PCDHGB6: variants seen among roughly 807,000 people sequenced by gnomAD.
PCDHGB6 encodes the protein protocadherin gamma-B6.
A neutral mutation model predicts 59.1 loss-of-function variants in PCDHGB6; 51 were observed. That is an observed-to-expected ratio of 0.86 (90% CI 0.69 to 1.09). PCDHGB6 has a LOEUF of 1.09. Among genes scored for constraint, PCDHGB6 ranks in the 50% least tolerant of loss-of-function variants. PCDHGB6 has a pLI of 0.00. For synonymous variants in PCDHGB6, 466 were observed against 495.1 expected (o/e 0.94, Z 0.78); for missense variants, 1,148 against 1,205.1 (o/e 0.95, Z 0.70).
chr5:141,504,130 C>T (rs1334901812), intron 2 of PCDHGB6, among the ~76,000 whole-genome samples: 1 of 152,154 alleles, frequency 6.6e-6, no homozygotes, highest in African/African-American at 2.4e-5. Flanking sequence ...TGTTTCCCGC[C>T]AACACTCCCC....
intron 1 of PCDHGB6, among the ~76,000 whole-genome samples, chr5:141,454,607 T>C (rs1207742002): frequency 6.6e-6 from 1 of 151,574 alleles, no homozygotes; most frequent in Non-Finnish European, 1.5e-5. Flanking sequence ...GGTTTCTCCA[T>C]GTTGGTCAGG....
At chr5:141,500,250 C>T (rs913074120) in intron 2 of PCDHGB6, among the ~76,000 whole-genome samples, 4 of 149,826 alleles carry the variant, frequency 2.7e-5, no homozygotes, top group African/African-American at 9.9e-5. Flanking sequence ...GCTCTGTCAC[C>T]CAGGCTGGAC....
intron 1 of PCDHGB6, chr5:141,441,529 A>C (rs1042479748): frequency 4.6e-5 from 8 of 172,366 alleles, no homozygotes; most frequent in African/African-American, 1.9e-4. Flanking sequence ...GGCCAAGAAC[A>C]ATCTTCCCAA....
At chr5:141,504,302 C>T (rs969760258) in intron 2 of PCDHGB6, among the ~76,000 whole-genome samples, 9 of 152,004 alleles carry the variant, frequency 5.9e-5, no homozygotes, top group African/African-American at 1.5e-4. Context: ...TTTCAACACT[C>T]GGAGTTTCTA....
chr5:141,419,549 T>C, intron 1 of PCDHGB6: 1 of 1,612,006 alleles, frequency 6.2e-7, no homozygotes, highest in Non-Finnish European at 8.5e-7. Context: ...GCGGGTGCTG[T>C]ACCCTGCGCT....
At chr5:141,436,752 A>G (rs2097844842) in intron 1 of PCDHGB6, among the ~76,000 whole-genome samples, 2 of 152,194 alleles carry the variant, frequency 1.3e-5, no homozygotes, top group South Asian at 4.1e-4. Context: ...GCTTCTCCAT[A>G]TGGTATAATG....
intron 2 of PCDHGB6, among the ~76,000 whole-genome samples, chr5:141,504,443 A>C (rs1043353401): frequency 2.0e-5 from 3 of 152,070 alleles, no homozygotes; most frequent in African/African-American, 4.8e-5. Context: ...CAGTGTGACT[A>C]GTGCCATGTG....
chr5:141,460,507 G>A (rs2098991001), intron 1 of PCDHGB6, among the ~76,000 whole-genome samples: 1 of 152,036 alleles, frequency 6.6e-6, no homozygotes. Context: ...ATGCTGAGAA[G>A]GCTATCTTTT....
At chr5:141,420,458 CAA>C (rs1269245240) in intron 1 of PCDHGB6, 1 of 925,076 alleles carries the variant, frequency 1.1e-6, no homozygotes, top group Non-Finnish European at 1.5e-6. Context: ...TCCTACTATT[CAA>C]AGACATTTTA....
chr5:141,408,894 C>A lies in PCDHGB6; in HGVS notation c.692C>A (p.Ser231Tyr), dbSNP rs778126197. The A allele has an allele frequency of 6.2e-7, 1 of 1,613,304 alleles. No individual in the cohort carries two copies. Among genetic ancestry groups the A allele is most frequent in the East Asian group, 2.2e-5 (1 of 44,858 alleles). The stretch of plus-strand genomic sequence containing the variant: ...AGTGCCACCGCTCACATAGAAATTT[C>A]TGTCAAGGATACCAATGATAACCCC... ...PRSATAHIEI[S>Y]VKDTNDNPPV... is the part of the protein sequence containing the mutation. The change falls in exon 1 of 4, where the codon TCT becomes TAT. Residue 231 changes from serine to tyrosine, a missense_variant. By Grantham distance (144) the Ser-to-Tyr change is moderately radical. Around this residue, in one of 5 missense-constraint regions of PCDHGB6, gnomAD observed 307 missense variants for 323.8 expected, o/e 0.95. Coordinates refer to ENST00000520790, the MANE Select transcript of PCDHGB6 (RefSeq NM_018926.3).
At chr5:141,496,581 C>T (rs868326584) in intron 2 of PCDHGB6, among the ~76,000 whole-genome samples, 9 of 152,134 alleles carry the variant, frequency 5.9e-5, no homozygotes, top group African/African-American at 1.9e-4. Flanking sequence ...ATTTTAGGAA[C>T]GCAAAGCGCT....
intron 1 of PCDHGB6, chr5:141,411,017 A>C (rs140607036): frequency 6.2e-6 from 1 of 162,372 alleles, no homozygotes; most frequent in Non-Finnish European, 1.3e-5. Context: ...CCACAGCTAA[A>C]TTTTTTGTAT....
chr5:141,413,445 C>A (rs764464917), intron 1 of PCDHGB6: 1 of 1,613,986 alleles, frequency 6.2e-7, no homozygotes, highest in Admixed American at 1.7e-5. Flanking sequence ...GCTTGATCAC[C>A]GCGGGCAGGA....
At position 141,408,879 on chromosome 5, in the gene PCDHGB6, C is replaced by A; in HGVS notation, c.677C>A (p.Ala226Asp). 6.2e-7 allele frequency: 1 copy of A among 1,613,504 alleles called. No individual in the cohort carries two copies. The change falls in exon 1 of 4, where the codon GCT (alanine) becomes GAT (aspartate). Residue 226 changes from alanine (A) to aspartate (D), a missense_variant. Coordinates refer to ENST00000520790, the MANE Select transcript of PCDHGB6 (RefSeq NM_018926.3). ...DGGDPPRSAT[A>D]HIEISVKDTN... ...GGGGACCCACCAAGAAGTGCCACCG[C>A]TCACATAGAAATTTCTGTCAAGGAT...
In PCDHGB6 at chr5:141,482,326, GAAT is replaced by G. The variant is rs1344469521; in HGVS notation, c.2419-12479_2419-12477del. Among the ~76,000 whole-genome samples, 3 of 152,072 alleles carry G rather than the reference GAAT, an allele frequency of 2.0e-5. No homozygotes were observed. The East Asian group carries it at 5.8e-4, about 29-fold the overall frequency. ...AGTTTCCTCATCTATAAAATAAAGAGAATATCTACTTTGCAAACTTGTTGTGAG... is the reference window on the plus strand; with the variant it reads ...AGTTTCCTCATCTATAAAATAAAGAGATCTACTTTGCAAACTTGTTGTGAG... On this transcript the variant is annotated intron_variant, in intron 1 of 3. Transcript: ENST00000520790.
intron 1 of PCDHGB6, chr5:141,418,184 G>A: frequency 6.2e-7 from 1 of 1,614,096 alleles, no homozygotes; most frequent in Non-Finnish European, 8.5e-7. Flanking sequence ...ATTGGAAGCT[G>A]TGGTGGAAAA....
intron 1 of PCDHGB6, 128 bp downstream of exon 1, chr5:141,410,748 C>T (rs569108587): frequency 8.8e-6 from 11 of 1,245,288 alleles, no homozygotes; most frequent in Admixed American, 5.8e-5. Flanking sequence ...AATATTTTCT[C>T]AATGTTTTTT....
At position 141,487,946 on chromosome 5, in the gene PCDHGB6, C is replaced by G. The variant is rs187890859; in HGVS notation, c.2419-6861C>G. 7.9e-5 allele frequency among the ~76,000 whole-genome samples: 12 copies of G among 152,298 alleles called. No homozygotes were observed. The highest frequency in any genetic ancestry group is 7.8e-4 in the Admixed American group (12 of 15,304). Reference sequence around the variant, plus strand: ...AGTGCACAGGGTACAGTGCACCAGGCAGTCACTTGGACAAAGGTGGCTGTT... The same window carrying G: ...AGTGCACAGGGTACAGTGCACCAGGGAGTCACTTGGACAAAGGTGGCTGTT... On this transcript the variant is annotated intron_variant, in intron 1 of 3. Transcript: ENST00000520790. The surrounding 1 kb of genome is among the most constrained non-coding windows in gnomAD (Gnocchi z 5.0).
intron 1 of PCDHGB6, chr5:141,418,604 G>C: frequency 6.2e-7 from 1 of 1,614,040 alleles, no homozygotes; most frequent in African/African-American, 1.3e-5. Context: ...CGTGTACAGG[G>C]TTAGCCTTCG....
Sources: gnomAD v4.1 joint callset for allele counts (sites outside exome capture counted in the v4.1 genomes callset) on GRCh38, gnomAD v4.1.1 for gene constraint, gnomAD v4.1.1 regional missense constraint, Gnocchi (gnomAD v3.1) non-coding constraint, MANE v1.5 for transcripts, NCBI Gene and HGNC (gene_info 2026-07-23, HGNC 2026-07-21) for gene names.